Variants in CSMD1 observed in about 807,000 individuals in gnomAD.
CSMD1 encodes CUB and Sushi multiple domains 1.
CSMD1 carries 213 observed loss-of-function variants against 417.5 expected under a neutral mutation model. The observed-to-expected ratio is 0.51, with a 90% CI of 0.46 to 0.57. The LOEUF (loss-of-function observed/expected upper bound fraction) is 0.57, where lower values mean the gene tolerates loss of function less well. Among genes scored for constraint, CSMD1 ranks in the 20% least tolerant of loss-of-function variants. The pLI, the probability that CSMD1 is intolerant of heterozygous loss-of-function variation, is 0.00. For missense variants in CSMD1, 6,923 were observed against 4,529.7 expected (o/e 1.53, Z -15.17); for synonymous variants, 2,862 against 1,736.8 (o/e 1.65, Z -16.11).
intron 5 of CSMD1, among the ~76,000 whole-genome samples, chr8:3,976,961 CAT>C (rs1271223691): frequency 1.3e-5 from 2 of 152,196 alleles, no homozygotes; most frequent in African/African-American, 4.8e-5. Flanking sequence ...GCATAGTACA[CAT>C]GTCACAGAAC....
intron 12 of CSMD1, among the ~76,000 whole-genome samples, chr8:3,417,829 T>A (rs989261130): frequency 6.6e-6 from 1 of 152,130 alleles, no homozygotes; most frequent in Non-Finnish European, 1.5e-5. Context: ...CTACAGACCC[T>A]GTTTTTTGGA....
intron 3 of CSMD1, among the ~76,000 whole-genome samples, chr8:4,380,318 C>G (rs1045555747): frequency 6.6e-6 from 1 of 152,124 alleles, no homozygotes; most frequent in Admixed American, 6.5e-5. Context: ...AGTGATAGCA[C>G]ACCCTCCTTA....
In CSMD1 at chr8:3,246,559, C is replaced by T. The variant is rs1356502768; in HGVS notation, c.4154-16328G>A. Among the ~76,000 whole-genome samples the T allele has an allele frequency of 2.6e-5, 4 of 152,280 alleles. No individual in the cohort carries two copies. In the East Asian group the frequency reaches 7.7e-4, roughly 29 times the overall value. Reference sequence around the variant, plus strand: ...CAGTCTGGGCTCACTGCAACCGCCACCTCCCGTGTTCAAGGGATTCTCCTG... The same window carrying T: ...CAGTCTGGGCTCACTGCAACCGCCATCTCCCGTGTTCAAGGGATTCTCCTG... On this transcript the variant is annotated intron_variant, in intron 26 of 69. Transcript: ENST00000635120.
intron 1 of CSMD1, among the ~76,000 whole-genome samples, chr8:4,821,385 A>T (rs1799515564): frequency 6.6e-6 from 1 of 152,172 alleles, no homozygotes; most frequent in African/African-American, 2.4e-5. Context: ...GTTTATCCCC[A>T]TAAAGCAAAC....
chr8:2,969,773 A>G (rs1804280080), intron 57 of CSMD1, among the ~76,000 whole-genome samples: 1 of 152,194 alleles, frequency 6.6e-6, no homozygotes, highest in South Asian at 2.1e-4. Context: ...ATGAAAACCT[A>G]CAGATTCTCC....
rs1008819829 is a variant in CSMD1 at position 3,221,583 on chromosome 8, C to CT, written c.4485-2142dup. On this transcript the variant is annotated intron_variant, in intron 28 of 69. Coordinates refer to ENST00000635120, the MANE Select transcript of CSMD1 (RefSeq NM_033225.6). Reference sequence around the variant, plus strand: ...AAACACTATATATCCCATCTGCTCTCTTTTTTTTTTGCCTGTACCAAAATT... The same window carrying CT: ...AAACACTATATATCCCATCTGCTCTCTTTTTTTTTTTGCCTGTACCAAAATT... Among the ~76,000 whole-genome samples the CT allele has an allele frequency of 4.1e-3, 613 of 147,990 alleles. 9 individuals carry two copies. The highest frequency in any genetic ancestry group is 0.014 in the African/African-American group (551 of 40,466).
chr8:4,453,494 G>T (rs115331496), intron 2 of CSMD1, among the ~76,000 whole-genome samples: 5 of 152,168 alleles, frequency 3.3e-5, no homozygotes, highest in African/African-American at 9.7e-5. Flanking sequence ...TCAAAGCCAT[G>T]CATCCTTCAG....
intron 5 of CSMD1, among the ~76,000 whole-genome samples, chr8:3,929,373 T>C (rs1809978178): frequency 6.6e-6 from 1 of 150,470 alleles, no homozygotes; most frequent in Non-Finnish European, 1.5e-5. Context: ...TTGAAAAAGT[T>C]CGTGAATGTT....
chr8:4,435,976 A>G (rs1362583903), intron 2 of CSMD1, among the ~76,000 whole-genome samples: 2 of 152,196 alleles, frequency 1.3e-5, no homozygotes, highest in Non-Finnish European at 2.9e-5. Flanking sequence ...ATCACCATCT[A>G]CTTTTCTGTC....
chr8:4,939,242 C>G (rs4419831), intron 1 of CSMD1, among the ~76,000 whole-genome samples: 146,895 of 152,218 alleles, frequency 0.97, 71,024 homozygotes, highest in East Asian at 1. Flanking sequence ...AAAATTATAT[C>G]GAGATTCCTC....
rs559203967 is a variant in CSMD1 at position 4,346,540 on chromosome 8, C to G, written c.415+73413G>C. ...TGAATTAAAATCCAGTTACAGAAAACTTTCAGTCTTTGGGCTTGAGCGTGC... is the reference window on the plus strand; with the variant it reads ...TGAATTAAAATCCAGTTACAGAAAAGTTTCAGTCTTTGGGCTTGAGCGTGC... On this transcript the variant is annotated intron_variant, in intron 3 of 69. Coordinates refer to ENST00000635120, the MANE Select transcript of CSMD1 (RefSeq NM_033225.6). Among the ~76,000 whole-genome samples, 21 of 152,210 alleles carry G rather than the reference C, an allele frequency of 1.4e-4. No individual in the cohort carries two copies. The South Asian group carries it at 2.5e-3, about 18-fold the overall frequency.
chr8:4,531,667 AGTTT>A (rs1796824822), intron 2 of CSMD1, among the ~76,000 whole-genome samples: 1 of 152,118 alleles, frequency 6.6e-6, no homozygotes, highest in South Asian at 2.1e-4. Flanking sequence ...GTGCTTATCT[AGTTT>A]GTCAGAATCA....
intron 18 of CSMD1, among the ~76,000 whole-genome samples, chr8:3,371,441 G>A (rs1169475342): frequency 3.3e-5 from 5 of 150,778 alleles, no homozygotes; most frequent in Admixed American, 2.0e-4. Context: ...ATCACTCAGT[G>A]TCACAATTTA....
At chr8:4,599,975 T>C (rs751358611) in intron 2 of CSMD1, among the ~76,000 whole-genome samples, 8 of 152,094 alleles carry the variant, frequency 5.3e-5, no homozygotes, top group Non-Finnish European at 7.4e-5. Flanking sequence ...TCCACCTCCA[T>C]GGAGGTGTTC....
chr8:3,229,496 G>A (rs540182499), intron 27 of CSMD1, among the ~76,000 whole-genome samples: 3 of 152,086 alleles, frequency 2.0e-5, no homozygotes, highest in Non-Finnish European at 2.9e-5. Context: ...AAAATCATTT[G>A]TTATCCTTTT....
chr8:4,984,961 T>C (rs1563933081), intron 1 of CSMD1, among the ~76,000 whole-genome samples: 1 of 152,084 alleles, frequency 6.6e-6, no homozygotes, highest in African/African-American at 2.4e-5. Flanking sequence ...AAATGGAAAC[T>C]CCTAGAAAGC....
intron 3 of CSMD1, among the ~76,000 whole-genome samples, chr8:4,358,806 A>G (rs1408918521): frequency 6.6e-6 from 1 of 152,192 alleles, no homozygotes; most frequent in African/African-American, 2.4e-5. Flanking sequence ...AGGGTAAACA[A>G]GTTATAAATC....
chr8:3,336,327 T>A (rs111300937), intron 23 of CSMD1, among the ~76,000 whole-genome samples: 1 of 152,162 alleles, frequency 6.6e-6, no homozygotes, highest in African/African-American at 2.4e-5. Flanking sequence ...CATCACAAAT[T>A]GTAGGCATTC....
At chr8:4,093,973 G>GATAA (rs1554445800) in intron 3 of CSMD1, among the ~76,000 whole-genome samples, 4 of 145,760 alleles carry the variant, frequency 2.7e-5, no homozygotes, top group Non-Finnish European at 4.5e-5. Flanking sequence ...CAAATAGATA[G>GATAA]ATAGATAGAT....
Sources: allele counts gnomAD v4.1 joint callset (sites outside exome capture counted in the v4.1 genomes callset), GRCh38; gene constraint gnomAD v4.1.1; transcripts MANE v1.5; gene names NCBI Gene and HGNC (gene_info 2026-07-23, HGNC 2026-07-21).